SEMA3A: variants seen among roughly 807,000 people sequenced by gnomAD.
SEMA3A encodes semaphorin 3A, also known as semaphorin-3A.
A neutral mutation model predicts 97.9 loss-of-function variants in SEMA3A; 29 were observed. The ratio of observed to expected loss-of-function variants is 0.30; its 90% CI spans 0.22 to 0.40. The LOEUF (loss-of-function observed/expected upper bound fraction) is 0.40. Among genes scored for constraint, SEMA3A ranks in the 10% least tolerant of loss-of-function variants. SEMA3A has a pLI of 1.00. For missense variants in SEMA3A, 763 were observed against 951.3 expected, an observed-to-expected ratio of 0.80 and a Z score of 2.60; for synonymous variants, 321 against 323.7, an observed-to-expected ratio of 0.99 and a Z score of 0.09.
chr7:84,150,433 G>T (rs1173145682), intron 1 of SEMA3A, among the ~76,000 whole-genome samples: 1 of 152,226 alleles, frequency 6.6e-6, no homozygotes, highest in African/African-American at 2.4e-5. Flanking sequence ...CTCGGGAAGC[G>T]CAAGGGGTCC....
chr7:84,066,759 A>G (rs1385175716), intron 4 of SEMA3A, among the ~76,000 whole-genome samples: 2 of 152,036 alleles, frequency 1.3e-5, no homozygotes, highest in Admixed American at 6.6e-5. Context: ...CCACTGCTCA[A>G]TGAAATAAAA....
At chr7:84,305,004 A>G (rs1049842567) in intron 3 of SEMA3A, among the ~76,000 whole-genome samples, 2 of 151,998 alleles carry the variant, frequency 1.3e-5, no homozygotes, top group African/African-American at 4.8e-5. Flanking sequence ...AATCAAACAT[A>G]TATGGAGCCA....
chr7:84,098,259 C>G (rs13241906), intron 4 of SEMA3A, among the ~76,000 whole-genome samples: 61,281 of 151,628 alleles, frequency 0.4, 14,411 homozygotes, highest in Non-Finnish European at 0.51. Flanking sequence ...AGTTGGAAAA[C>G]ATTTATTTTT....
chr7:84,188,430 A>G (rs1797946455), intron 1 of SEMA3A, among the ~76,000 whole-genome samples: 1 of 151,968 alleles, frequency 6.6e-6, no homozygotes, highest in Non-Finnish European at 1.5e-5. Context: ...TGTCAGATAG[A>G]ATTTATTGAT....
chr7:84,358,948 GTA>G (rs1584262945), intron 2 of SEMA3A, among the ~76,000 whole-genome samples: 1 of 152,128 alleles, frequency 6.6e-6, no homozygotes, highest in East Asian at 1.9e-4. Context: ...TGTTATTGGT[GTA>G]TAAGAATGCT....
chr7:84,360,038 T>C, intron 2 of SEMA3A, among the ~76,000 whole-genome samples: 1 of 151,186 alleles, frequency 6.6e-6, no homozygotes, highest in South Asian at 2.1e-4. Context: ...TTTTCTTCTT[T>C]ATTAGTCTTG....
chr7:84,119,910 G>A (rs1795552753), intron 3 of SEMA3A, among the ~76,000 whole-genome samples: 1 of 152,002 alleles, frequency 6.6e-6, no homozygotes, highest in Non-Finnish European at 1.5e-5. Context: ...ACTGATGCAT[G>A]GATGAATTAT....
intron 1 of SEMA3A, among the ~76,000 whole-genome samples, chr7:84,399,465 C>A (rs1256572415): frequency 6.6e-6 from 1 of 152,162 alleles, no homozygotes; most frequent in East Asian, 1.9e-4. Context: ...CATGGGAGAG[C>A]CTATGCCACC....
intron 2 of SEMA3A, among the ~76,000 whole-genome samples, chr7:84,337,247 A>C (rs2115972193): frequency 6.6e-6 from 1 of 152,290 alleles, no homozygotes; most frequent in Middle Eastern, 3.4e-3. Flanking sequence ...TATGCCAATA[A>C]ATTCCCAAAG....
intron 6 of SEMA3A, among the ~76,000 whole-genome samples, chr7:84,037,047 A>T (rs1405420161): frequency 6.6e-6 from 1 of 152,134 alleles, no homozygotes; most frequent in Non-Finnish European, 1.5e-5. Context: ...CAAAAATCTC[A>T]TCAGGAAATT....
chr7:84,476,862 A>G (rs1457006955), intron 1 of SEMA3A, among the ~76,000 whole-genome samples: 1 of 151,908 alleles, frequency 6.6e-6, no homozygotes, highest in Non-Finnish European at 1.5e-5. Flanking sequence ...ACTTAGAGAC[A>G]TAACTACGAT....
intron 1 of SEMA3A, among the ~76,000 whole-genome samples, chr7:84,168,967 C>A (rs958258448): frequency 2.0e-5 from 3 of 151,664 alleles, no homozygotes; most frequent in Non-Finnish European, 3.0e-5. Context: ...AGTGAACATA[C>A]ATTAATGTCA....
intron 4 of SEMA3A, 142 bp from the exon 5 acceptor site, chr7:84,060,700 G>A: frequency 3.9e-6 from 2 of 515,824 alleles, no homozygotes. Context: ...TTTTGAGATG[G>A]CAAAATAAAT....
chr7:84,245,220 G>C (rs1171841941), intron 3 of SEMA3A, among the ~76,000 whole-genome samples: 1 of 152,024 alleles, frequency 6.6e-6, no homozygotes, highest in Non-Finnish European at 1.5e-5. Context: ...TCAGTTTCAG[G>C]TACACCAATC....
Position 84,246,053 on chromosome 7 carries a change from C to T in SEMA3A, c.-82-51385G>A, listed in dbSNP as rs746659996. On this transcript the variant is annotated intron_variant, in intron 3 of 3. Coordinates refer to the SEMA3A transcript ENST00000424555. ...GCCTTTCTTTCAGAAATGCCCTGCC[C>T]GGGGTGGGAGGAATCCAGAGAGGCA... Among the ~76,000 whole-genome samples, 18 of 152,268 alleles carry T rather than the reference C, an allele frequency of 1.2e-4. No individual in the cohort carries two copies. The South Asian group carries it at 2.1e-3, about 18-fold the overall frequency.
intron 7 of SEMA3A, 143 bp downstream of exon 7, chr7:84,014,066 A>G (rs958057557): frequency 1.5e-6 from 1 of 652,596 alleles, no homozygotes. Flanking sequence ...TATAATATTC[A>G]ATCATTATTT....
intron 1 of SEMA3A, among the ~76,000 whole-genome samples, chr7:84,179,843 C>T (rs1470491290): frequency 2.0e-5 from 3 of 150,302 alleles, no homozygotes; most frequent in South Asian, 2.1e-4. Context: ...AGAGTTACCC[C>T]GGACCCCTAT....
intron 2 of SEMA3A, among the ~76,000 whole-genome samples, chr7:84,341,195 T>C (rs188442370): frequency 6.6e-6 from 1 of 152,330 alleles, no homozygotes; most frequent in Admixed American, 6.5e-5. Context: ...AACCATATGG[T>C]ATGCACATAC....
intron 1 of SEMA3A, among the ~76,000 whole-genome samples, chr7:84,459,224 G>C (rs1394903357): frequency 2.0e-5 from 3 of 152,096 alleles, no homozygotes; most frequent in Admixed American, 1.3e-4. Flanking sequence ...ATGAGTTGCA[G>C]TTAAAAACAC....
Sources: gnomAD v4.1 joint callset for allele counts (sites outside exome capture counted in the v4.1 genomes callset) on GRCh38, gnomAD v4.1.1 for gene constraint, MANE v1.5 for transcripts, NCBI Gene and HGNC (gene_info 2026-07-23, HGNC 2026-07-21) for gene names.